Variants in PPEF1 observed in about 807,000 individuals in gnomAD.
The protein encoded by PPEF1 is protein phosphatase with EF-hand domain 1.
In PPEF1, 12 loss-of-function variants were observed where a neutral mutation model predicts 53.3. The ratio of observed to expected loss-of-function variants is 0.23; its 90% CI spans 0.14 to 0.36. PPEF1 has a LOEUF of 0.36. Ranked by LOEUF, PPEF1 falls within the 10% of genes least tolerant of loss-of-function variation. The pLI, the probability that PPEF1 is intolerant of heterozygous loss-of-function variation, is 1.00. For missense variants in PPEF1, 334 were observed against 490.4 expected, an observed-to-expected ratio of 0.68 and a Z score of 3.01; for synonymous variants, 165 against 176.7, an observed-to-expected ratio of 0.93 and a Z score of 0.52.
At chrX:18,770,992 T>C (rs1319302394) in intron 6 of PPEF1, among the ~76,000 whole-genome samples, 1 of 112,618 alleles carries the variant, frequency 8.9e-6, no homozygotes, top group East Asian at 2.8e-4. Context: ...GTGATTCTAA[T>C]GTGCAGTCAA....
chrX:18,742,086 C>T (rs778085155), intron 3 of PPEF1, among the ~76,000 whole-genome samples: 5 of 111,298 alleles, frequency 4.5e-5, no homozygotes, highest in Non-Finnish European at 9.4e-5. Context: ...ACATGAGCCA[C>T]TGTGCCCAGT....
At chrX:18,677,479 C>G (rs754727039) in intron 1 of PPEF1, among the ~76,000 whole-genome samples, 1 of 111,942 alleles carries the variant, frequency 8.9e-6, no homozygotes, top group African/African-American at 3.2e-5. Context: ...CCAAGAAGAA[C>G]ACATCCAAGC....
intron 11 of PPEF1, among the ~76,000 whole-genome samples, chrX:18,805,312 G>A (rs1202500570): frequency 9.0e-6 from 1 of 111,563 alleles, no homozygotes; most frequent in African/African-American, 3.2e-5. Flanking sequence ...ATAGTGAACA[G>A]CAATAAATAA....
At chrX:18,722,278 A>G (rs2044605198) in intron 1 of PPEF1, among the ~76,000 whole-genome samples, 1 of 112,363 alleles carries the variant, frequency 8.9e-6, no homozygotes. Context: ...GCCTTTTGCT[A>G]TTAGAGGATT....
chrX:18,815,903 A>AT (rs201428145), intron 12 of PPEF1, among the ~76,000 whole-genome samples: 26 of 95,180 alleles, frequency 2.7e-4, no homozygotes, highest in East Asian at 2.7e-3. Flanking sequence ...TTATTTATTT[A>AT]TTTTTTTTTT....
rs1039223263 is a variant in PPEF1 at position 18,745,147 on chromosome X, T to A, written c.236-4645T>A. Among the ~76,000 whole-genome samples, 41 of 95,400 alleles carry A rather than the reference T, an allele frequency of 4.3e-4. No individual in the cohort carries two copies. The South Asian group carries it at 4.5e-3, about 10-fold the overall frequency. 82.8% of individuals were successfully genotyped at this position (95,400 alleles called of 115,157 possible). Reference sequence around the variant, plus strand: ...ATATTATATAATTATATTATATATATTATATATTATAATATAATTATATAT... The same window carrying A: ...ATATTATATAATTATATTATATATAATATATATTATAATATAATTATATAT... On this transcript the variant is annotated intron_variant, in intron 3 of 15. Transcript: ENST00000470157.
intron 6 of PPEF1, among the ~76,000 whole-genome samples, chrX:18,702,315 G>A (rs1930184731): frequency 9.1e-6 from 1 of 110,353 alleles, no homozygotes; most frequent in African/African-American, 3.3e-5. Flanking sequence ...GGGGGTGGGG[G>A]TAGAGGGTGT....
chrX:18,692,023 G>T (rs368842996), intron 4 of PPEF1, among the ~76,000 whole-genome samples: 29 of 111,623 alleles, frequency 2.6e-4, no homozygotes, highest in African/African-American at 8.8e-4. Flanking sequence ...CCAGTGTTCT[G>T]CTTTTGCCTC....
intron 1 of PPEF1, among the ~76,000 whole-genome samples, chrX:18,714,493 G>A (rs1249518924): frequency 9.0e-6 from 1 of 110,585 alleles, no homozygotes; most frequent in East Asian, 2.9e-4. Context: ...GGCTGGTCTT[G>A]AACTCCTGAC....
rs765853026 is a variant in PPEF1 at position 18,782,324 on chromosome X, C to T, written c.726-42C>T. ...TTTTTGCATGACTCATGGAAGTAGGCGTTATCAACAATCAAATCATTTAAA... is the reference window on the plus strand; with the variant it reads ...TTTTTGCATGACTCATGGAAGTAGGTGTTATCAACAATCAAATCATTTAAA... On this transcript the variant is annotated intron_variant, in intron 7 of 15. Transcript: ENST00000470157. 6 of 1,064,664 alleles carry T rather than the reference C, an allele frequency of 5.6e-6. No individual in the cohort carries two copies. The South Asian group carries it at 6.1e-5, about 11-fold the overall frequency. 87.7% of individuals were successfully genotyped at this position (1,064,664 alleles called of 1,213,427 possible).
At chrX:18,782,511 C>T in intron 8 of PPEF1, 109 bp downstream of exon 8, 1 of 580,638 alleles carries the variant, frequency 1.7e-6, no homozygotes, top group Admixed American at 4.3e-5. Context: ...AGGTAATAGG[C>T]CAACTAGTCA....
chrX:18,817,729 A>G (rs1444160745), intron 12 of PPEF1, among the ~76,000 whole-genome samples: 2 of 111,660 alleles, frequency 1.8e-5, no homozygotes, highest in Non-Finnish European at 3.8e-5. Flanking sequence ...ATTTAATGAT[A>G]AATTTCAATA....
chrX:18,811,345 G>A (rs2046798820), intron 12 of PPEF1, among the ~76,000 whole-genome samples: 2 of 110,542 alleles, frequency 1.8e-5, no homozygotes, highest in Admixed American at 9.8e-5. Context: ...GAGCCACCGC[G>A]CCCAGCTTGA....
At chrX:18,807,358 A>G (rs1263426826) in intron 12 of PPEF1, among the ~76,000 whole-genome samples, 1 of 111,910 alleles carries the variant, frequency 8.9e-6, no homozygotes, top group African/African-American at 3.2e-5. Flanking sequence ...TAGAACTAAC[A>G]TGTTTGTTGT....
At chrX:18,799,869 T>A (rs1226767175) in intron 10 of PPEF1, among the ~76,000 whole-genome samples, 1 of 112,115 alleles carries the variant, frequency 8.9e-6, no homozygotes, top group Non-Finnish European at 1.9e-5. Context: ...CTGAGGAATT[T>A]GTTTCACCAA....
chrX:18,783,453 C>G (rs761610609), intron 8 of PPEF1, among the ~76,000 whole-genome samples: 2 of 111,389 alleles, frequency 1.8e-5, no homozygotes, highest in East Asian at 5.7e-4. Flanking sequence ...CATAGTGGCT[C>G]ACATCTGTAA....
rs778688918 is a variant in PPEF1 at position 18,789,259 on chromosome X, C to T, written c.1051C>T (p.His351Tyr). Residue 351 changes from histidine (H) to tyrosine (Y), a missense_variant, in exon 10 of 16, where the codon CAT becomes TAT. By Grantham distance (83) the His-to-Tyr change is moderately conservative (BLOSUM62 2). Coordinates refer to ENST00000470157, the MANE Select transcript of PPEF1 (RefSeq NM_001377996.1). Reference protein sequence around the residue: ...NGSPTEHLTEHEWEQIIDILW... With the variant: ...NGSPTEHLTEYEWEQIIDILW... ...ATCTCCTACTGAACACTTAACAGAG[C>T]ATGAATGGGAACAGGTAGGTAATCA... 1 of 1,209,637 alleles carries T rather than the reference C, an allele frequency of 8.3e-7. No individual in the cohort carries two copies. Among genetic ancestry groups the T allele is most frequent in the East Asian group, 3.0e-5 (1 of 33,814 alleles).
chrX:18,825,862 A>G, intron 15 of PPEF1, 27 bp downstream of exon 15: 1 of 1,063,797 alleles, frequency 9.4e-7, no homozygotes, highest in Non-Finnish European at 1.3e-6. Context: ...GGATGAGTCC[A>G]TTTAAAAAGT....
At chrX:18,788,303 T>TC (rs1186959922) in intron 9 of PPEF1, among the ~76,000 whole-genome samples, 4 of 20,297 alleles carry the variant, frequency 2.0e-4, no homozygotes, top group African/African-American at 9.3e-4. Flanking sequence ...AGACTCTGTC[T>TC]CAAAAAAAAA....
Sources: allele counts gnomAD v4.1 joint callset (sites outside exome capture counted in the v4.1 genomes callset), GRCh38; gene constraint gnomAD v4.1.1; transcripts MANE v1.5; gene names NCBI Gene and HGNC (gene_info 2026-07-23, HGNC 2026-07-21).